KLF13: variants seen among roughly 807,000 people sequenced by gnomAD.
KLF13 encodes the protein Krueppel-like factor 13.
A neutral mutation model predicts 16.7 loss-of-function variants in KLF13; 8 were observed. The ratio of observed to expected loss-of-function variants is 0.48; its 90% CI spans 0.28 to 0.87. The LOEUF (loss-of-function observed/expected upper bound fraction) is 0.87, where lower values mean the gene tolerates loss of function less well. Among genes scored for constraint, KLF13 ranks in the 40% least tolerant of loss-of-function variants. The pLI is 0.10. For synonymous variants in KLF13, 245 were observed against 208.4 expected, an observed-to-expected ratio of 1.18 and a Z score of -1.51; for missense variants, 447 against 452.2, an observed-to-expected ratio of 0.99 and a Z score of 0.10.
chr15:31,408,030 A>G (rs1427553476), downstream of KLF13, among the ~76,000 whole-genome samples: 2 of 152,220 alleles, frequency 1.3e-5, no homozygotes, highest in East Asian at 1.9e-4. Flanking sequence ...AACCAATGCA[A>G]TCATGTAAGA....
rs1310083204 is a variant in KLF13, at chr15:31,372,223, C to T, written c.791C>T (p.Ser264Leu). 8.1e-6 allele frequency: 13 copies of T among 1,595,928 alleles called. No homozygotes were observed. Among genetic ancestry groups the T allele is most frequent in the East Asian group, 2.2e-5 (1 of 44,454 alleles). Residue 264 changes from serine to leucine, a missense_variant, in exon 2 of 2, where the codon TCG (serine) becomes TTG (leucine). Ser to Leu is a moderately radical substitution (Grantham distance 145). Transcript: ENST00000307145. ...ATGCTGCAGCGGCGCGGCGGGGGCT[C>T]GCGGACCGGCTCCCTCAGCGACTAC... is the stretch of plus-strand genomic sequence containing the variant. ...PGMLQRRGGG[S>L]RTGSLSDYSR...
rs145600264 is a variant in KLF13 at position 31,427,008 on chromosome 15, T to C, written n.118-8362T>C. 5.1e-4 allele frequency among the ~76,000 whole-genome samples: 77 copies of C among 152,346 alleles called. 2 individuals carry two copies. Among genetic ancestry groups the C allele is most frequent in the African/African-American group, 1.8e-3 (76 of 41,578 alleles). On this transcript the variant is annotated intron_variant and non_coding_transcript_variant, in intron 1 of 1. Coordinates refer to the KLF13 transcript ENST00000558225. ...CTTATGCTAGTGGTCCCCTGGATTC[T>C]CAGGCCTTCAGCCTCGAACTGAGAT...
At position 31,327,141 on chromosome 15, in the gene KLF13, C is replaced by T. The variant is rs1330277503; in HGVS notation, c.-72C>T. 4.1e-6 allele frequency: 5 copies of T among 1,226,156 alleles called. No homozygotes were observed. The highest frequency in any genetic ancestry group is 4.6e-5 in the Admixed American group (1 of 21,866). The allele number at this position is 1,226,156 out of a possible 1,614,324, so 76.0% of individuals were successfully genotyped here. On this transcript the variant is annotated 5_prime_UTR_variant, in exon 1 of 2. Coordinates refer to ENST00000307145, the MANE Select transcript of KLF13 (RefSeq NM_015995.4). ...GCGCCCCCGCCCCCCGCCCGCTCTC[C>T]CGAGGCCGTGGGTGCGGATGCGCGG...
At chr15:31,360,580 G>C (rs4779867) in intron 1 of KLF13, among the ~76,000 whole-genome samples, 21,338 of 152,162 alleles carry the variant, frequency 0.14, 1,710 homozygotes, top group Admixed American at 0.19. Context: ...GTGGCTCCAT[G>C]GGCCTGGGCT....
intron 1 of KLF13, among the ~76,000 whole-genome samples, chr15:31,329,431 T>C (rs59569306): frequency 0.31 from 47,437 of 151,400 alleles, 7,574 homozygotes; most frequent in Non-Finnish European, 0.34. Flanking sequence ...TTCTACGGCC[T>C]CTGTCAGGGT....
chr15:31,434,244 TCACACAGCTG>T (rs1401937785), intron 1 of KLF13, among the ~76,000 whole-genome samples: 2 of 152,158 alleles, frequency 1.3e-5, no homozygotes, highest in Non-Finnish European at 2.9e-5. Flanking sequence ...TTGCTCAGGT[TCACACAGCTG>T]CACACAGCTG....
chr15:31,355,421 T>C (rs2039284817), intron 1 of KLF13, among the ~76,000 whole-genome samples: 1 of 152,214 alleles, frequency 6.6e-6, no homozygotes, highest in Non-Finnish European at 1.5e-5. Flanking sequence ...TTAAAAATTG[T>C]GTTAGAGTAG....
At chr15:31,356,182 C>T (rs1336291592) in intron 1 of KLF13, among the ~76,000 whole-genome samples, 4 of 152,206 alleles carry the variant, frequency 2.6e-5, no homozygotes, top group Non-Finnish European at 5.9e-5. Context: ...ACCCTCCTCC[C>T]TCCCCGCTCA....
At position 31,377,499 on chromosome 15, in the gene KLF13, C is replaced by G. The variant is rs1376047487; in HGVS notation, c.*5200C>G. The G allele has an allele frequency of 6.5e-6, 1 of 152,692 alleles. No individual in the cohort carries two copies. The highest frequency in any genetic ancestry group is 2.1e-4 in the South Asian group (1 of 4,822). 9.5% of individuals were successfully genotyped at this position (152,692 alleles called of 1,614,324 possible). On this transcript the variant is annotated 3_prime_UTR_variant, in exon 2 of 2. Transcript: ENST00000307145. ...GGGTCTCAGCTGCCCCAGGCCCGCACAGGCAACCCCTTCCCATCCAAAGCC... is the reference window on the plus strand; with the variant it reads ...GGGTCTCAGCTGCCCCAGGCCCGCAGAGGCAACCCCTTCCCATCCAAAGCC...
chr15:31,399,535 T>A (rs550946853), intron 2 of KLF13, among the ~76,000 whole-genome samples: 4 of 152,236 alleles, frequency 2.6e-5, no homozygotes, highest in African/African-American at 4.8e-5. Flanking sequence ...AGAGCCATCC[T>A]GCCCACACAG....
chr15:31,428,148 G>A (rs541294844), intron 1 of KLF13, among the ~76,000 whole-genome samples: 1 of 152,152 alleles, frequency 6.6e-6, no homozygotes. Flanking sequence ...TACTTATATA[G>A]GGGTATCTAA....
At chr15:31,381,040 C>T (rs1340047788), downstream of KLF13, among the ~76,000 whole-genome samples, 1 of 151,972 alleles carries the variant, frequency 6.6e-6, no homozygotes, top group African/African-American at 2.4e-5. Flanking sequence ...GGCATGGTGG[C>T]GGGTGCCTGT....
chr15:31,433,447 C>G (rs932851805), intron 1 of KLF13, among the ~76,000 whole-genome samples: 1 of 152,156 alleles, frequency 6.6e-6, no homozygotes, highest in Non-Finnish European at 1.5e-5. Context: ...CCTTGGTCTC[C>G]CTGGGCTGTC....
At chr15:31,401,639 C>T (rs971640799) in intron 2 of KLF13, among the ~76,000 whole-genome samples, 4 of 152,214 alleles carry the variant, frequency 2.6e-5, no homozygotes, top group African/African-American at 7.2e-5. Flanking sequence ...ATTTGATCCT[C>T]TTAATAACAC....
At chr15:31,430,697 G>A (rs1391402969) in intron 1 of KLF13, among the ~76,000 whole-genome samples, 1 of 152,190 alleles carries the variant, frequency 6.6e-6, no homozygotes, top group Non-Finnish European at 1.5e-5. Flanking sequence ...TCAAAGGTTA[G>A]CAATGGACAA....
intron 1 of KLF13, among the ~76,000 whole-genome samples, chr15:31,429,069 C>A (rs1432403304): frequency 6.6e-6 from 1 of 152,052 alleles, no homozygotes; most frequent in African/African-American, 2.4e-5. Flanking sequence ...GGGACAGCAC[C>A]CCTAACGCAT....
At chr15:31,346,844 C>T (rs2039130001) in intron 1 of KLF13, among the ~76,000 whole-genome samples, 1 of 152,226 alleles carries the variant, frequency 6.6e-6, no homozygotes, top group Non-Finnish European at 1.5e-5. Context: ...CCTGCCACCA[C>T]TCTGCACCCC....
At position 31,336,501 on chromosome 15, in the gene KLF13, G is replaced by GA. The variant is rs2038932580; in HGVS notation, c.577+8714dup. Among the ~76,000 whole-genome samples the GA allele has an allele frequency of 3.3e-5, 5 of 152,310 alleles. No individual in the cohort carries two copies. In the South Asian group the frequency reaches 1.0e-3, roughly 32 times the overall value. On this transcript the variant is annotated intron_variant, in intron 1 of 1. Coordinates refer to ENST00000307145, the MANE Select transcript of KLF13 (RefSeq NM_015995.4). ...ATGTGCAGGGCCTGTGATACAGCCA[G>GA]AATTTCCTCCTCTGATAAACTTCTC...
exon 3 of KLF13, chr15:31,403,882 G>T (rs1043683825): frequency 2.0e-5 from 3 of 152,304 alleles, no homozygotes; most frequent in East Asian, 3.8e-4. Flanking sequence ...GCCAGTGGTT[G>T]TAAGTGATCC....
Sources: gnomAD v4.1 joint callset for allele counts (sites outside exome capture counted in the v4.1 genomes callset) on GRCh38, gnomAD v4.1.1 for gene constraint, MANE v1.5 for transcripts, NCBI Gene and HGNC (gene_info 2026-07-23, HGNC 2026-07-21) for gene names.